RALGAPA2: variants seen among roughly 807,000 people sequenced by gnomAD.
RALGAPA2 encodes the protein Ral GTPase activating protein catalytic subunit alpha 2, also known as ral GTPase-activating protein subunit alpha-2.
A neutral mutation model predicts 230.4 loss-of-function variants in RALGAPA2; 139 were observed. That is an observed-to-expected ratio of 0.60 (90% CI 0.53 to 0.69). The LOEUF is 0.69. Among genes scored for constraint, RALGAPA2 ranks in the 30% least tolerant of loss-of-function variants. The pLI, the probability that RALGAPA2 is intolerant of heterozygous loss-of-function variation, is 0.00. For synonymous variants in RALGAPA2, 847 were observed against 837.8 expected (o/e 1.01, Z -0.19); for missense variants, 2,163 against 2,276.0 (o/e 0.95, Z 1.01).
intron 37 of RALGAPA2, among the ~76,000 whole-genome samples, chr20:20,456,302 A>G (rs1203398047): frequency 6.6e-6 from 1 of 152,264 alleles, no homozygotes; most frequent in Non-Finnish European, 1.5e-5. Context: ...TGAAAGATGA[A>G]TAACACATAG....
intron 23 of RALGAPA2, among the ~76,000 whole-genome samples, chr20:20,568,175 TAATCCTAATTATTTTGTA>T (rs2064507019): frequency 6.6e-6 from 1 of 152,182 alleles, no homozygotes; most frequent in South Asian, 2.1e-4. Flanking sequence ...GAACTGTTTA[TAATCCTAATTATTTTGTA>T]AACCACTAAC....
chr20:20,557,208 G>A (rs1228187744), intron 23 of RALGAPA2, among the ~76,000 whole-genome samples: 3 of 152,116 alleles, frequency 2.0e-5, no homozygotes, highest in African/African-American at 7.2e-5. Flanking sequence ...TACTCAGTAG[G>A]CTGAGGCAGG....
At chr20:20,697,646 G>T (rs951068418) in intron 1 of RALGAPA2, among the ~76,000 whole-genome samples, 1 of 152,128 alleles carries the variant, frequency 6.6e-6, no homozygotes, top group African/African-American at 2.4e-5. Context: ...CTCACCCAGC[G>T]ATTGGTACAG....
intron 20 of RALGAPA2, among the ~76,000 whole-genome samples, chr20:20,576,890 T>A (rs1266651831): frequency 1.3e-5 from 2 of 152,172 alleles, no homozygotes. Context: ...TCTATTTTTA[T>A]TAGTGTTTTC....
At chr20:20,508,238 C>T (rs940595050) in intron 33 of RALGAPA2, among the ~76,000 whole-genome samples, 1 of 152,142 alleles carries the variant, frequency 6.6e-6, no homozygotes, top group Non-Finnish European at 1.5e-5. Flanking sequence ...CTGTGTCTGG[C>T]CTTATTAAAG....
chr20:20,534,301 C>T (rs548943161), intron 26 of RALGAPA2, among the ~76,000 whole-genome samples: 3 of 151,964 alleles, frequency 2.0e-5, no homozygotes, highest in South Asian at 4.2e-4. Flanking sequence ...AAAAATTAGC[C>T]GGGCATGGTG....
chr20:20,443,003 TA>T (rs2060772497), intron 37 of RALGAPA2, among the ~76,000 whole-genome samples: 1 of 152,218 alleles, frequency 6.6e-6, no homozygotes, highest in African/African-American at 2.4e-5. Flanking sequence ...TTTAAAGCTC[TA>T]TCAATGGACC....
chr20:20,393,836 C>T (rs1388327511), intron 39 of RALGAPA2, among the ~76,000 whole-genome samples: 10 of 152,144 alleles, frequency 6.6e-5, no homozygotes, highest in Non-Finnish European at 7.4e-5. Context: ...CACATCTGCA[C>T]CCCCCGCTTC....
chr20:20,597,731 C>A (rs1403511054), intron 16 of RALGAPA2, among the ~76,000 whole-genome samples: 4 of 151,762 alleles, frequency 2.6e-5, no homozygotes, highest in Admixed American at 2.6e-4. Flanking sequence ...CCTAGCTACT[C>A]GGGAGGCTGA....
At chr20:20,503,810 T>C (rs576176653) in intron 34 of RALGAPA2, among the ~76,000 whole-genome samples, 1 of 152,324 alleles carries the variant, frequency 6.6e-6, no homozygotes, top group African/African-American at 2.4e-5. Context: ...CATATATGTG[T>C]GTGTATACAT....
chr20:20,419,093 A>G (rs955227048), intron 37 of RALGAPA2, among the ~76,000 whole-genome samples: 17 of 152,138 alleles, frequency 1.1e-4, no homozygotes, highest in African/African-American at 4.1e-4. Flanking sequence ...GGCTACACAC[A>G]TATGTAGGAA....
chr20:20,530,521 C>G (rs368648574), intron 27 of RALGAPA2, among the ~76,000 whole-genome samples: 1 of 152,072 alleles, frequency 6.6e-6, no homozygotes. Context: ...AGGGGCCAGA[C>G]GCCAAATCAA....
chr20:20,643,448 T>C, intron 5 of RALGAPA2, 58 bp downstream of exon 5: 2 of 1,413,264 alleles, frequency 1.4e-6, no homozygotes, highest in East Asian at 5.2e-5. Flanking sequence ...ATTGTTACTT[T>C]GTGGCATTAA....
intron 14 of RALGAPA2, among the ~76,000 whole-genome samples, chr20:20,610,452 G>C (rs1291789443): frequency 6.6e-6 from 1 of 152,098 alleles, no homozygotes; most frequent in East Asian, 1.9e-4. Context: ...AGAAGCACAG[G>C]CATCTCTTTG....
chr20:20,677,629 A>ATTTTTTTTTTT (rs758379115), intron 2 of RALGAPA2, among the ~76,000 whole-genome samples: 4 of 64,312 alleles, frequency 6.2e-5, no homozygotes, highest in African/African-American at 1.5e-4. Context: ...GATTTGACCC[A>ATTTTTTTTTTT]TTTTTTTTTT....
chr20:20,549,149 G>A (rs992586999), intron 23 of RALGAPA2, among the ~76,000 whole-genome samples: 6 of 152,156 alleles, frequency 3.9e-5, no homozygotes, highest in African/African-American at 1.4e-4. Context: ...GCTTTTCTAG[G>A]CTAAATTTAT....
chr20:20,529,116 A>G (rs1450245105), intron 27 of RALGAPA2, among the ~76,000 whole-genome samples: 1 of 152,224 alleles, frequency 6.6e-6, no homozygotes, highest in Non-Finnish European at 1.5e-5. Context: ...GTGGGGAGGG[A>G]GGTGTCCTCA....
chr20:20,637,579 G>A (rs2066898064), intron 7 of RALGAPA2, 78 bp from the exon 8 acceptor site: 1 of 1,275,562 alleles, frequency 7.8e-7, no homozygotes, highest in Non-Finnish European at 1.1e-6. Flanking sequence ...GTGTTGTTAT[G>A]TTACTAAAAT....
intron 6 of RALGAPA2, 26 bp from the exon 7 acceptor site, chr20:20,639,926 C>G (rs899188070): frequency 6.6e-7 from 1 of 1,508,656 alleles, no homozygotes; most frequent in Non-Finnish European, 9.2e-7. Context: ...ATGATGACAG[C>G]TCATTCACCA....
Sources: allele counts gnomAD v4.1 joint callset (sites outside exome capture counted in the v4.1 genomes callset), GRCh38; gene constraint gnomAD v4.1.1; transcripts MANE v1.5; gene names NCBI Gene and HGNC (gene_info 2026-07-23, HGNC 2026-07-21).